GUCY1A2: variants seen among roughly 807,000 people sequenced by gnomAD.
GUCY1A2 encodes the protein guanylate cyclase soluble subunit alpha-2.
GUCY1A2 carries 27 observed loss-of-function variants against 63.5 expected under a neutral mutation model. The observed-to-expected ratio is 0.43, with a 90% CI of 0.31 to 0.59. The LOEUF is 0.59. Among genes scored for constraint, GUCY1A2 ranks in the 20% least tolerant of loss-of-function variants. The pLI, the probability that GUCY1A2 is intolerant of heterozygous loss-of-function variation, is 0.11. For synonymous variants in GUCY1A2, 364 were observed against 343.5 expected (o/e 1.06, Z -0.66); for missense variants, 768 against 913.3 (o/e 0.84, Z 2.05).
At chr11:106,843,972 T>A (rs118111422) in intron 4 of GUCY1A2, among the ~76,000 whole-genome samples, 1,951 of 151,962 alleles carry the variant, frequency 0.013, 27 homozygotes, top group South Asian at 0.048. Flanking sequence ...TCGGTCAGCA[T>A]CTTGTCATAT....
intron 7 of GUCY1A2, among the ~76,000 whole-genome samples, 178 bp downstream of exon 7, chr11:106,708,334 C>T (rs1385488282): frequency 1.3e-5 from 2 of 152,024 alleles, no homozygotes; most frequent in Non-Finnish European, 2.9e-5. Context: ...TGCACTCTCA[C>T]AGAGTGCAAA....
At position 106,842,669 on chromosome 11, in the gene GUCY1A2, C is replaced by T. The variant is rs551790080; in HGVS notation, c.1207-32191G>A. ...AATGGAGTTGCATCTGTATTTAGAG[C>T]GGAGCTTCTCAAACTTTAGTGTGAA... On this transcript the variant is annotated intron_variant, in intron 4 of 7. Transcript: ENST00000526355. 6.6e-5 allele frequency among the ~76,000 whole-genome samples: 10 copies of T among 151,938 alleles called. 1 individual carries two copies. Among genetic ancestry groups the T allele is most frequent in the African/African-American group, 1.7e-4 (7 of 41,444 alleles).
intron 4 of GUCY1A2, among the ~76,000 whole-genome samples, chr11:106,811,261 A>G (rs979774929): frequency 2.6e-5 from 4 of 152,122 alleles, no homozygotes; most frequent in Admixed American, 2.0e-4. Context: ...AACTTAGTGA[A>G]CACAAGCTTA....
chr11:106,967,630 G>A (rs1360582111), intron 3 of GUCY1A2, among the ~76,000 whole-genome samples: 3 of 151,184 alleles, frequency 2.0e-5, no homozygotes, highest in Admixed American at 6.6e-5. Flanking sequence ...GTCTAAGCCA[G>A]TAATCTAAGC....
At chr11:107,004,358 T>C (rs2120190519) in intron 1 of GUCY1A2, among the ~76,000 whole-genome samples, 1 of 152,310 alleles carries the variant, frequency 6.6e-6, no homozygotes, top group Non-Finnish European at 1.5e-5. Context: ...TTTGAAAATT[T>C]AGTGATACAT....
intron 1 of GUCY1A2, among the ~76,000 whole-genome samples, chr11:107,006,502 G>A (rs150113507): frequency 1.7e-4 from 26 of 152,282 alleles, no homozygotes; most frequent in Middle Eastern, 3.4e-3. Flanking sequence ...AGGAAAACAA[G>A]ACAAGCACAT....
chr11:106,714,989 G>A (rs1185534366), intron 6 of GUCY1A2, among the ~76,000 whole-genome samples: 1 of 151,818 alleles, frequency 6.6e-6, no homozygotes. Context: ...GAGTGTTCAT[G>A]GAAAAAAAAT....
chr11:106,942,166 A>C (rs1266386858), intron 3 of GUCY1A2, among the ~76,000 whole-genome samples: 1 of 152,138 alleles, frequency 6.6e-6, no homozygotes, highest in Non-Finnish European at 1.5e-5. Flanking sequence ...ACTTAAATCA[A>C]TACATACTGT....
chr11:106,794,762 C>A (rs1413333932), intron 5 of GUCY1A2, among the ~76,000 whole-genome samples: 1 of 152,020 alleles, frequency 6.6e-6, no homozygotes, highest in Non-Finnish European at 1.5e-5. Context: ...TAGATTAGCA[C>A]TTAAACACAG....
intron 7 of GUCY1A2, among the ~76,000 whole-genome samples, chr11:106,692,216 C>T (rs924995618): frequency 1.3e-5 from 2 of 152,080 alleles, no homozygotes; most frequent in Admixed American, 1.3e-4. Context: ...CTAAATTAAT[C>T]CTCTAAATTA....
Position 106,890,461 on chromosome 11 carries a change from C to T in GUCY1A2, c.1206+48999G>A, listed in dbSNP as rs72988330. Reference sequence around the variant, plus strand: ...CTGACTTTACTTCTTCCACCTGAAACTTAAGTTCTAGTCAAGAAGGCTCAG... The same window carrying T: ...CTGACTTTACTTCTTCCACCTGAAATTTAAGTTCTAGTCAAGAAGGCTCAG... On this transcript the variant is annotated intron_variant, in intron 4 of 7. Coordinates refer to ENST00000526355, the MANE Select transcript of GUCY1A2 (RefSeq NM_000855.3). Among the ~76,000 whole-genome samples the T allele has an allele frequency of 7.7e-3, 1,165 of 152,262 alleles. 6 individuals carry two copies. Among genetic ancestry groups the T allele is most frequent in the Non-Finnish European group, 0.012 (848 of 68,022 alleles).
At chr11:106,962,789 T>A (rs536541198) in intron 3 of GUCY1A2, among the ~76,000 whole-genome samples, 3 of 148,528 alleles carry the variant, frequency 2.0e-5, no homozygotes, top group African/African-American at 4.9e-5. Flanking sequence ...TATATATATA[T>A]AAAATATATA....
intron 7 of GUCY1A2, among the ~76,000 whole-genome samples, chr11:106,691,912 T>G (rs1862631721): frequency 6.6e-6 from 1 of 152,214 alleles, no homozygotes; most frequent in African/African-American, 2.4e-5. Flanking sequence ...AATATTCAGT[T>G]GACTTCCAAT....
At chr11:106,774,140 T>C (rs1864310307) in intron 6 of GUCY1A2, among the ~76,000 whole-genome samples, 1 of 146,634 alleles carries the variant, frequency 6.8e-6, no homozygotes, top group Non-Finnish European at 1.5e-5. Context: ...ACTTTTATAA[T>C]TTTTTTTTTT....
At chr11:107,000,316 A>T (rs1421472827) in intron 1 of GUCY1A2, among the ~76,000 whole-genome samples, 1 of 152,172 alleles carries the variant, frequency 6.6e-6, no homozygotes, top group Non-Finnish European at 1.5e-5. Context: ...CTCTTCTCCA[A>T]CTTCCACACT....
chr11:106,918,497 G>A (rs1410505875), intron 4 of GUCY1A2, among the ~76,000 whole-genome samples: 1 of 144,824 alleles, frequency 6.9e-6, no homozygotes, highest in Admixed American at 6.9e-5. Context: ...ATTCTTCCTC[G>A]CCATGGACAT....
At chr11:107,011,045 T>C (rs1239420004) in intron 1 of GUCY1A2, among the ~76,000 whole-genome samples, 2 of 152,184 alleles carry the variant, frequency 1.3e-5, no homozygotes, top group Non-Finnish European at 2.9e-5. Flanking sequence ...AAGCATTTTA[T>C]TGAACAACCA....
At chr11:106,730,292 GC>G (rs1417851402) in intron 6 of GUCY1A2, among the ~76,000 whole-genome samples, 1 of 151,168 alleles carries the variant, frequency 6.6e-6, no homozygotes, top group Non-Finnish European at 1.5e-5. Flanking sequence ...CCTAAAGTAG[GC>G]CCTGGTGTCT....
At chr11:106,737,466 T>G (rs7931520) in intron 6 of GUCY1A2, among the ~76,000 whole-genome samples, 136,779 of 152,070 alleles carry the variant, frequency 0.9, 61,656 homozygotes, top group East Asian at 1. Context: ...TGTTACATAG[T>G]TATACACGTG....
Sources: gnomAD v4.1 joint callset for allele counts (sites outside exome capture counted in the v4.1 genomes callset) on GRCh38, gnomAD v4.1.1 for gene constraint, MANE v1.5 for transcripts, NCBI Gene and HGNC (gene_info 2026-07-23, HGNC 2026-07-21) for gene names.